Variants in MGAT3 observed in about 807,000 individuals in gnomAD.
MGAT3 encodes GlcNAc-T III.
A neutral mutation model predicts 29.8 loss-of-function variants in MGAT3; 9 were observed. The observed-to-expected ratio is 0.30, with a 90% confidence interval of 0.18 to 0.53. The LOEUF (loss-of-function observed/expected upper bound fraction) is 0.53. Ranked by LOEUF, MGAT3 falls within the 20% of genes least tolerant of loss-of-function variation. The pLI, the probability that MGAT3 is intolerant of heterozygous loss-of-function variation, is 0.96. For synonymous variants in MGAT3, 397 were observed against 348.9 expected, an observed-to-expected ratio of 1.14 and a Z score of -1.54; for missense variants, 557 against 769.5, an observed-to-expected ratio of 0.72 and a Z score of 3.27.
chr22:39,464,750 T>C (rs758255140), intron 1 of MGAT3, among the ~76,000 whole-genome samples: 31 of 150,446 alleles, frequency 2.1e-4, no homozygotes, highest in Non-Finnish European at 3.5e-4. Flanking sequence ...CTGATACATA[T>C]TTATTTTTTT....
intron 1 of MGAT3, among the ~76,000 whole-genome samples, chr22:39,467,726 T>TTTC (rs1211650858): frequency 5.3e-5 from 8 of 150,352 alleles, no homozygotes; most frequent in Middle Eastern, 7.1e-3. Context: ...TGTTTCGTTT[T>TTTC]GTTTCGTTTC....
In MGAT3 at chr22:39,457,145, G is replaced by A. The variant is rs1411148848; in HGVS notation, c.-414G>A. Among the ~76,000 whole-genome samples, 1 of 145,636 alleles carries A rather than the reference G, an allele frequency of 6.9e-6. No individual in the cohort carries two copies. The highest frequency in any genetic ancestry group is 1.5e-5 in the Non-Finnish European group (1 of 65,546). On this transcript the variant is annotated 5_prime_UTR_variant, in exon 1 of 2. Coordinates refer to ENST00000341184, the MANE Select transcript of MGAT3 (RefSeq NM_002409.5). This position sits in a 1 kb window ranked among gnomAD's most constrained non-coding sequence, Gnocchi z 6.8. ...GCGGCGGAGCCCGGCTGGCGGGGGAGGGGAGGGGGTTGCGGAGGGGGCGGG... is the reference window on the plus strand; with the variant it reads ...GCGGCGGAGCCCGGCTGGCGGGGGAAGGGAGGGGGTTGCGGAGGGGGCGGG...
intron 1 of MGAT3, among the ~76,000 whole-genome samples, chr22:39,474,784 C>G (rs973370343): frequency 1.3e-5 from 2 of 152,272 alleles, no homozygotes; most frequent in African/African-American, 4.8e-5. Context: ...CCACTGCTCA[C>G]TTCTGGCCTG....
At chr22:39,459,683 GT>G (rs1242618024) in intron 1 of MGAT3, among the ~76,000 whole-genome samples, 1 of 152,228 alleles carries the variant, frequency 6.6e-6, no homozygotes, top group Non-Finnish European at 1.5e-5. Flanking sequence ...GGCCAGGCTG[GT>G]CTTGAACTCC....
chr22:39,478,445 G>T (rs1308175032), intron 1 of MGAT3, among the ~76,000 whole-genome samples: 1 of 152,250 alleles, frequency 6.6e-6, no homozygotes, highest in African/African-American at 2.4e-5. Flanking sequence ...AGGTGTTGAG[G>T]GGCAGGCGGA....
rs7286488 is a variant in MGAT3 at position 39,457,308 on chromosome 22, C to T, written c.-251C>T. The T allele has an allele frequency of 0.79, 111,713 of 141,688 alleles. 44,069 individuals carry two copies. The highest frequency in any genetic ancestry group is 0.96 in the East Asian group (4,497 of 4,708). The allele number at this position is 141,688 out of a possible 1,614,324, so 8.8% of individuals were successfully genotyped here. On this transcript the variant is annotated 5_prime_UTR_variant, in exon 1 of 2. Coordinates refer to ENST00000341184, the MANE Select transcript of MGAT3 (RefSeq NM_002409.5). This position sits in a 1 kb window ranked among gnomAD's most constrained non-coding sequence, Gnocchi z 6.8. ...GCTCGCCGGGCCCCCGCCGCCGCCC[C>T]GGGGTGCAGCCGAGCGGCCGCGCCG...
intron 1 of MGAT3, among the ~76,000 whole-genome samples, chr22:39,473,906 C>G (rs1928881109): frequency 6.6e-6 from 1 of 151,978 alleles, no homozygotes; most frequent in South Asian, 2.1e-4. Flanking sequence ...AGTGCCAGCT[C>G]CAGGGTAGAT....
At position 39,488,730 on chromosome 22, in the gene MGAT3, C is replaced by G. The variant is rs537141888; in HGVS notation, c.1383C>G (p.Thr461=). 8 of 1,613,674 alleles carry G rather than the reference C, an allele frequency of 5.0e-6. No homozygotes were observed. In the South Asian group the frequency reaches 7.7e-5, roughly 16 times the overall value. Reference sequence around the variant, plus strand: ...ACTACATCCGCGGCCTGATCCGCACCGGGGGCTGGTTCGACGGCACGCAGC... The same window carrying G: ...ACTACATCCGCGGCCTGATCCGCACGGGGGGCTGGTTCGACGGCACGCAGC... ...DLNYIRGLIR[T]GGWFDGTQQE... Residue 461 remains threonine, a synonymous_variant, in exon 2 of 2, where the codon ACC becomes ACG. Coordinates refer to ENST00000341184, the MANE Select transcript of MGAT3 (RefSeq NM_002409.5).
In MGAT3 at chr22:39,492,072, G is replaced by A. The variant is rs923720398; in HGVS notation, c.*3123G>A. 2 of 167,036 alleles carry A rather than the reference G, an allele frequency of 1.2e-5. No homozygotes were observed. Among genetic ancestry groups the A allele is most frequent in the African/African-American group, 2.4e-5 (1 of 41,342 alleles). 10.3% of individuals were successfully genotyped at this position (167,036 alleles called of 1,614,324 possible). On this transcript the variant is annotated 3_prime_UTR_variant, in exon 2 of 2. Transcript: ENST00000341184. ...ATAATAGTATTATTTTTTTTGTAAGGGAAAATCAATATGTACATTCTGAAA... is the reference window on the plus strand; with the variant it reads ...ATAATAGTATTATTTTTTTTGTAAGAGAAAATCAATATGTACATTCTGAAA...
At chr22:39,473,415 C>G (rs1928866334) in intron 1 of MGAT3, among the ~76,000 whole-genome samples, 1 of 152,180 alleles carries the variant, frequency 6.6e-6, no homozygotes, top group African/African-American at 2.4e-5. Flanking sequence ...CCACTTTGAG[C>G]CCATGCTGTT....
chr22:39,483,502 TAA>T (rs5845430), intron 1 of MGAT3, among the ~76,000 whole-genome samples: 1 of 147,892 alleles, frequency 6.8e-6, no homozygotes, highest in Non-Finnish European at 1.5e-5. Flanking sequence ...ATTAAAAAAT[TAA>T]AAAAAAAAAG....
Position 39,487,961 on chromosome 22 carries a change from C to T in MGAT3, c.614C>T (p.Pro205Leu), listed in dbSNP as rs1395707836. The stretch of plus-strand genomic sequence containing the variant: ...GAGCGGCTGGTGCCCAGGGAGGTGC[C>T]GCGCCGCGTCATCAACGCCATCAAC... ...TKERLVPREVPRRVINAINVN... is the reference protein window; with the variant it reads ...TKERLVPREVLRRVINAINVN... Residue 205 changes from proline to leucine, a missense_variant, in exon 2 of 2, where the codon CCG becomes CTG. This residue lies in a region of MGAT3 where 243 missense variants were observed against 444.0 expected (regional missense o/e 0.55). Transcript: ENST00000341184. This position sits in a 1 kb window ranked among gnomAD's most constrained non-coding sequence, Gnocchi z 5.7. 1 of 1,611,244 alleles carries T rather than the reference C, an allele frequency of 6.2e-7. No individual in the cohort carries two copies. Among genetic ancestry groups the T allele is most frequent in the Non-Finnish European group, 8.5e-7 (1 of 1,179,484 alleles).
intron 1 of MGAT3, among the ~76,000 whole-genome samples, chr22:39,485,397 C>CT (rs1929242875): frequency 6.6e-6 from 1 of 152,154 alleles, no homozygotes; most frequent in Non-Finnish European, 1.5e-5. Flanking sequence ...GACAAATGTA[C>CT]CATGGTGGTA....
intron 1 of MGAT3, among the ~76,000 whole-genome samples, chr22:39,467,918 T>C (rs1928702512): frequency 6.6e-6 from 1 of 151,484 alleles, no homozygotes; most frequent in Non-Finnish European, 1.5e-5. Flanking sequence ...ATGTGGGTCT[T>C]CCAGAACATG....
intron 1 of MGAT3, chr22:39,477,551 A>G (rs1222738991): frequency 1.5e-5 from 2 of 132,176 alleles, no homozygotes; most frequent in Non-Finnish European, 3.3e-5. Flanking sequence ...ATGGAAGGAA[A>G]GAAAAAAAAA....
chr22:39,482,561 A>G (rs905533362), intron 1 of MGAT3, among the ~76,000 whole-genome samples: 1 of 152,256 alleles, frequency 6.6e-6, no homozygotes, highest in Non-Finnish European at 1.5e-5. Flanking sequence ...ATAACCTACC[A>G]GAGTGCCTGT....
Position 39,488,646 on chromosome 22 carries a change from G to A in MGAT3, c.1299G>A (p.Val433=). 6.2e-7 allele frequency: 1 copy of A among 1,613,642 alleles called. No individual in the cohort carries two copies. ...CCGAGGGCATCTACTTCAAGCTCGT[G>A]TCCGCCCAGAATGGCGACTTCCCAC... ...FTPEGIYFKL[V]SAQNGDFPRW... is the part of the protein sequence containing the mutation. The change falls in exon 2 of 2, where the codon GTG becomes GTA. Residue 433 remains valine (V), a synonymous_variant. Coordinates refer to ENST00000341184, the MANE Select transcript of MGAT3 (RefSeq NM_002409.5).
In MGAT3 at chr22:39,487,260, G is replaced by C. The variant is rs1191590973; in HGVS notation, c.-1-87G>C. The C allele has an allele frequency of 7.3e-7, 1 of 1,373,190 alleles. No individual in the cohort carries two copies. The highest frequency in any genetic ancestry group is 9.9e-7 in the Non-Finnish European group (1 of 1,006,838). The allele number at this position is 1,373,190 out of a possible 1,614,324, so 85.1% of individuals were successfully genotyped here. A position where few individuals can be genotyped will look rare whatever the true frequency, so the allele number is the denominator to read the frequency against. Reference sequence around the variant, plus strand: ...TGCTGGCCACCACATTGTCCAGCAAGGTGGCAGCAGAGGCCTCCTAGGTCC... The same window carrying C: ...TGCTGGCCACCACATTGTCCAGCAACGTGGCAGCAGAGGCCTCCTAGGTCC... On this transcript the variant is annotated intron_variant, in intron 1 of 1. Transcript: ENST00000341184. The surrounding 1 kb of genome is among the most constrained non-coding windows in gnomAD (Gnocchi z 5.7).
intron 1 of MGAT3, among the ~76,000 whole-genome samples, chr22:39,469,566 A>C (rs953010473): frequency 6.6e-6 from 1 of 152,106 alleles, no homozygotes; most frequent in Non-Finnish European, 1.5e-5. Context: ...GGACTCTTGG[A>C]CCAGACCTCC....
Sources: allele counts gnomAD v4.1 joint callset (sites outside exome capture counted in the v4.1 genomes callset), GRCh38; gene constraint gnomAD v4.1.1; regional missense constraint gnomAD v4.1.1; non-coding constraint Gnocchi (gnomAD v3.1); transcripts MANE v1.5; gene names NCBI Gene and HGNC (gene_info 2026-07-23, HGNC 2026-07-21).